C4orf50: variants seen among roughly 807,000 people sequenced by gnomAD.
The protein encoded by C4orf50 is chromosome 4 open reading frame 50, also known as uncharacterized protein C4orf50.
Under a neutral mutation model 77.2 loss-of-function variants are expected in C4orf50, and 80 were observed. That is an observed-to-expected ratio of 1.04 (90% CI 0.87 to 1.25). The LOEUF is 1.25. Ranked by LOEUF, C4orf50 falls within the 50% of genes most tolerant of loss-of-function variation. The pLI is 0.00. For synonymous variants in C4orf50, 532 were observed against 465.3 expected (o/e 1.14, Z -1.84); for missense variants, 1,257 against 1,152.9 (o/e 1.09, Z -1.31).
Position 5,952,024 on chromosome 4 carries a change from T to C in C4orf50, c.*2474+4877A>G, listed in dbSNP as rs924592709. Among the ~76,000 whole-genome samples the C allele has an allele frequency of 2.0e-5, 3 of 152,192 alleles. No individual in the cohort carries two copies. The highest frequency in any genetic ancestry group is 2.9e-5 in the Non-Finnish European group (2 of 68,040). On this transcript the variant is annotated intron_variant, in intron 7 of 7. Coordinates refer to the C4orf50 transcript ENST00000324058. The surrounding 1 kb of genome is among the most constrained non-coding windows in gnomAD (Gnocchi z 4.4). ...TTGCACTACAGACAGTGAGATAAAA[T>C]AAAATATGTGCTTGGAAGTGCCATT...
chr4:5,980,186 C>T (rs374654758), exon 29 of C4orf50: 5 of 1,597,652 alleles, frequency 3.1e-6, no homozygotes, highest in Non-Finnish European at 3.4e-6. Context: ...TGGCCTGGAG[C>T]TCCTCCTGGA....
exon 28 of C4orf50, chr4:5,989,504 C>T: frequency 1.3e-6 from 2 of 1,536,142 alleles, no homozygotes; most frequent in Non-Finnish European, 1.7e-6. Flanking sequence ...CTCTCCCAGC[C>T]ACTGTGCCAC....
chr4:5,963,255 G>A (rs759409485), intron 33 of C4orf50, among the ~76,000 whole-genome samples: 2 of 151,878 alleles, frequency 1.3e-5, no homozygotes, highest in East Asian at 1.9e-4. Flanking sequence ...TCAGCCCCTC[G>A]AAGTGCTGGG....
rs1466082732 is a variant in C4orf50 at position 6,008,560 on chromosome 4, C to T, written c.427-28G>A. 1 of 397,556 alleles carries T rather than the reference C, an allele frequency of 2.5e-6. No homozygotes were observed. Among genetic ancestry groups the T allele is most frequent in the Non-Finnish European group, 4.4e-6 (1 of 225,394 alleles). 24.6% of individuals were successfully genotyped at this position (397,556 alleles called of 1,614,324 possible). On this transcript the variant is annotated intron_variant, in intron 24 of 33. Coordinates refer to ENST00000531445, the Ensembl canonical transcript of C4orf50. This position sits in a 1 kb window ranked among gnomAD's most constrained non-coding sequence, Gnocchi z 6.0. ...ACAAGTTGGCGGTGGATGAGGGCGTCAGCAAGCCCAAAGGACACACCATGG... is the reference window on the plus strand; with the variant it reads ...ACAAGTTGGCGGTGGATGAGGGCGTTAGCAAGCCCAAAGGACACACCATGG...
At chr4:5,937,399 G>A (rs1292876495) in intron 7 of C4orf50, among the ~76,000 whole-genome samples, 1 of 151,982 alleles carries the variant, frequency 6.6e-6, no homozygotes, top group Non-Finnish European at 1.5e-5. Context: ...TAAAATAATG[G>A]AAATATAATG....
intron 7 of C4orf50, among the ~76,000 whole-genome samples, chr4:5,931,685 A>C (rs10013855): frequency 0.58 from 88,013 of 151,760 alleles, 25,826 homozygotes; most frequent in East Asian, 0.89. Context: ...GGCCCACTCC[A>C]CCCTCTCTGC....
At chr4:5,989,677 T>C in exon 28 of C4orf50, 1 of 1,536,154 alleles carries the variant, frequency 6.5e-7, no homozygotes, top group Non-Finnish European at 8.7e-7. Context: ...GCTCACAGCC[T>C]GTGGATGACC....
At chr4:5,921,710 A>C (rs73067428) in intron 7 of C4orf50, among the ~76,000 whole-genome samples, 14,226 of 152,200 alleles carry the variant, frequency 0.093, 648 homozygotes, top group Middle Eastern at 0.11. Flanking sequence ...GCTTCCATGC[A>C]AAGGTAGAGA....
intron 7 of C4orf50, among the ~76,000 whole-genome samples, chr4:5,935,334 G>C (rs1717959831): frequency 6.6e-6 from 1 of 152,236 alleles, no homozygotes; most frequent in Non-Finnish European, 1.5e-5. Context: ...TTAGAAGATA[G>C]AGAGGAAGTT....
At chr4:5,978,173 G>C (rs762360780) in intron 29 of C4orf50, among the ~76,000 whole-genome samples, 2 of 152,230 alleles carry the variant, frequency 1.3e-5, no homozygotes, top group Non-Finnish European at 2.9e-5. Context: ...AGTAGCAAAT[G>C]TTAGTGAGAA....
downstream of C4orf50, among the ~76,000 whole-genome samples, chr4:5,956,194 C>T (rs1717421000): frequency 6.6e-6 from 1 of 152,192 alleles, no homozygotes; most frequent in South Asian, 2.1e-4. Flanking sequence ...TCCAGGATTA[C>T]AGAAAGCCAG....
chr4:6,014,812 C>T (rs145142119), intron 23 of C4orf50, among the ~76,000 whole-genome samples: 1 of 152,316 alleles, frequency 6.6e-6, no homozygotes, highest in East Asian at 1.9e-4. Context: ...CCCTTTTCTC[C>T]TCCCCTGACC....
chr4:5,920,665 T>C (rs1276719328), intron 7 of C4orf50, among the ~76,000 whole-genome samples: 1 of 129,994 alleles, frequency 7.7e-6, no homozygotes, highest in Non-Finnish European at 1.8e-5. Flanking sequence ...TTAATAGAGA[T>C]GGGCTTTCAC....
chr4:5,979,730 T>A (rs988498465), intron 29 of C4orf50, among the ~76,000 whole-genome samples: 10 of 152,258 alleles, frequency 6.6e-5, no homozygotes, highest in Non-Finnish European at 8.8e-5. Flanking sequence ...TATAGTGTCA[T>A]GTCACAACCA....
intron 25 of C4orf50, among the ~76,000 whole-genome samples, chr4:5,998,680 A>T (rs1019388280): frequency 6.6e-6 from 1 of 152,224 alleles, no homozygotes; most frequent in African/African-American, 2.4e-5. Flanking sequence ...CCTCCAGGCC[A>T]GGCACAGCCC....
At chr4:5,929,989 A>T (rs1014569828) in intron 7 of C4orf50, among the ~76,000 whole-genome samples, 3 of 152,204 alleles carry the variant, frequency 2.0e-5, no homozygotes, top group Non-Finnish European at 4.4e-5. Context: ...TGCCCTCGTG[A>T]ATGTATTTGG....
chr4:5,949,182 G>A (rs537937963), intron 7 of C4orf50, among the ~76,000 whole-genome samples: 16 of 152,250 alleles, frequency 1.1e-4, no homozygotes, highest in South Asian at 6.2e-4. Context: ...CCCTGCGCCC[G>A]TGAAAAACTG....
At chr4:5,921,627 G>A (rs766663305) in intron 7 of C4orf50, among the ~76,000 whole-genome samples, 10 of 152,124 alleles carry the variant, frequency 6.6e-5, no homozygotes, top group Non-Finnish European at 1.2e-4. Context: ...GTTTCGGGAG[G>A]AGCCACCGGG....
rs1722664570 is a variant in C4orf50, at chr4:6,015,883, T to C, written c.287+2262A>G. Among the ~76,000 whole-genome samples, 1 of 152,164 alleles carries C rather than the reference T, an allele frequency of 6.6e-6. No homozygotes were observed. The highest frequency in any genetic ancestry group is 2.1e-4 in the South Asian group (1 of 4,820). On this transcript the variant is annotated intron_variant, in intron 23 of 33. Coordinates refer to ENST00000531445, the Ensembl canonical transcript of C4orf50. This position sits in a 1 kb window ranked among gnomAD's most constrained non-coding sequence, Gnocchi z 4.4. ...CTCCCTCTCGCAAGGATACTTGTGA[T>C]TGGTCTTAGAGACCAGCCGGCGAAT...
Sources: gnomAD v4.1 joint callset for allele counts (sites outside exome capture counted in the v4.1 genomes callset) on GRCh38, gnomAD v4.1.1 for gene constraint, Gnocchi (gnomAD v3.1) non-coding constraint, MANE v1.5 for transcripts, NCBI Gene and HGNC (gene_info 2026-07-23, HGNC 2026-07-21) for gene names.